ZNF385B: variants seen among roughly 807,000 people sequenced by gnomAD.
The protein encoded by ZNF385B is zinc finger protein 385B, also known as zinc finger protein 533.
A neutral mutation model predicts 39.2 loss-of-function variants in ZNF385B; 23 were observed. The observed-to-expected ratio is 0.59, with a 90% CI of 0.42 to 0.83. ZNF385B has a LOEUF of 0.83. Among genes scored for constraint, ZNF385B ranks in the 40% least tolerant of loss-of-function variants. ZNF385B has a pLI of 0.00. For missense variants in ZNF385B, 552 were observed against 598.9 expected, an observed-to-expected ratio of 0.92 and a Z score of 0.82; for synonymous variants, 205 against 222.6, an observed-to-expected ratio of 0.92 and a Z score of 0.70.
chr2:179,616,415 C>A (rs1689742369), intron 3 of ZNF385B, among the ~76,000 whole-genome samples: 1 of 152,172 alleles, frequency 6.6e-6, no homozygotes, highest in Admixed American at 6.5e-5. Context: ...CTCACTGCAA[C>A]CTCCACCTCC....
intron 6 of ZNF385B, among the ~76,000 whole-genome samples, chr2:179,462,928 T>C (rs950624154): frequency 6.6e-6 from 1 of 152,112 alleles, no homozygotes; most frequent in African/African-American, 2.4e-5. Context: ...TTTGTGAAAA[T>C]AGAGCTTTCT....
rs1685059217 is a variant in ZNF385B, at chr2:179,861,400, G to A, written c.-454C>T. The A allele has an allele frequency of 6.6e-6, 1 of 150,376 alleles. No homozygotes were observed. Among genetic ancestry groups the A allele is most frequent in the Non-Finnish European group, 1.5e-5 (1 of 67,450 alleles). The allele number at this position is 150,376 out of a possible 1,614,324, so 9.3% of individuals were successfully genotyped here. A position where few individuals can be genotyped will look rare whatever the true frequency, so the allele number is the denominator to read the frequency against. The stretch of plus-strand genomic sequence containing the variant: ...GCGCCTGCGCACCGGGCCTCGCCCA[G>A]GTGAGGGGCGTGTGCCCGGAGCCCG... On this transcript the variant is annotated 5_prime_UTR_variant, in exon 1 of 10. Coordinates refer to ENST00000410066, the MANE Select transcript of ZNF385B (RefSeq NM_152520.6).
At chr2:179,838,965 G>T (rs376178273) in intron 1 of ZNF385B, among the ~76,000 whole-genome samples, 1 of 151,342 alleles carries the variant, frequency 6.6e-6, no homozygotes. Flanking sequence ...GCAAAAGTGT[G>T]GTCCTTTTAG....
At chr2:179,571,419 A>C (rs1002447464) in intron 3 of ZNF385B, among the ~76,000 whole-genome samples, 1 of 152,192 alleles carries the variant, frequency 6.6e-6, no homozygotes, top group Non-Finnish European at 1.5e-5. Context: ...CTTTCACTAC[A>C]AGCCCGAAGG....
chr2:179,676,377 C>T (rs1367372352), intron 3 of ZNF385B, among the ~76,000 whole-genome samples: 2 of 149,248 alleles, frequency 1.3e-5, no homozygotes, highest in Non-Finnish European at 3.0e-5. Context: ...CGTGAGCCAC[C>T]ACGCCCAGCC....
intron 7 of ZNF385B, 89 bp from the exon 8 acceptor site, chr2:179,445,817 G>T: frequency 2.4e-6 from 3 of 1,241,592 alleles, no homozygotes; most frequent in Non-Finnish European, 3.2e-6. Context: ...TTACCTGCAG[G>T]CTAAAATTCC....
chr2:179,808,227 T>A (rs1575529450), intron 1 of ZNF385B, among the ~76,000 whole-genome samples: 1 of 152,014 alleles, frequency 6.6e-6, no homozygotes, highest in South Asian at 2.1e-4. Context: ...AGAGACGGGG[T>A]TTCACCGTGT....
chr2:179,825,087 T>C (rs764713517), intron 1 of ZNF385B, among the ~76,000 whole-genome samples: 1 of 152,206 alleles, frequency 6.6e-6, no homozygotes, highest in Non-Finnish European at 1.5e-5. Flanking sequence ...CTTTAGGGAT[T>C]TGGATTAAAA....
intron 4 of ZNF385B, among the ~76,000 whole-genome samples, chr2:179,524,677 A>AC (rs746180848): frequency 1.3e-5 from 2 of 151,868 alleles, no homozygotes; most frequent in Non-Finnish European, 2.9e-5. Context: ...TGAGTAAAAC[A>AC]CAAAAAAGGG....
At chr2:179,479,175 T>C (rs1382402356) in intron 6 of ZNF385B, among the ~76,000 whole-genome samples, 1 of 152,230 alleles carries the variant, frequency 6.6e-6, no homozygotes, top group Admixed American at 6.5e-5. Flanking sequence ...TGGACAGCTA[T>C]TTTGCATAAC....
At chr2:179,493,912 G>A (rs12477315) in intron 5 of ZNF385B, among the ~76,000 whole-genome samples, 125,204 of 149,924 alleles carry the variant, frequency 0.84, 52,549 homozygotes, top group South Asian at 0.93. Context: ...AATACATATT[G>A]TATTCTAGGC....
chr2:179,637,334 A>G (rs1691855097), intron 3 of ZNF385B: 1 of 152,146 alleles, frequency 6.6e-6, no homozygotes, highest in African/African-American at 2.4e-5. Flanking sequence ...GGGATTTTAT[A>G]GGGGGAGTTT....
chr2:179,770,806 T>C (rs1444668269), intron 1 of ZNF385B, 134 bp from the exon 2 acceptor site: 1 of 152,212 alleles, frequency 6.6e-6, no homozygotes, highest in Non-Finnish European at 1.5e-5. Flanking sequence ...CAGACGTAGA[T>C]TATAAACTAA....
intron 3 of ZNF385B, among the ~76,000 whole-genome samples, chr2:179,620,566 T>C (rs1316231546): frequency 1.3e-5 from 2 of 152,094 alleles, no homozygotes; most frequent in Non-Finnish European, 2.9e-5. Flanking sequence ...CTAGTATCAG[T>C]TCCATGTATT....
intron 3 of ZNF385B, among the ~76,000 whole-genome samples, chr2:179,728,210 AAT>A (rs1701146032): frequency 6.6e-6 from 1 of 152,146 alleles, no homozygotes; most frequent in Non-Finnish European, 1.5e-5. Flanking sequence ...TAGAACAGCT[AAT>A]TCTGGAGAAA....
intron 3 of ZNF385B, among the ~76,000 whole-genome samples, chr2:179,710,846 C>A (rs1428425630): frequency 6.6e-6 from 1 of 152,202 alleles, no homozygotes; most frequent in Non-Finnish European, 1.5e-5. Context: ...CCATCACAGG[C>A]CTGCTCCAAG....
At chr2:179,859,305 T>C (rs1051002474) in intron 1 of ZNF385B, among the ~76,000 whole-genome samples, 1 of 152,214 alleles carries the variant, frequency 6.6e-6, no homozygotes, top group African/African-American at 2.4e-5. Flanking sequence ...AATTCATTGT[T>C]TTCTTTTTGC....
At chr2:179,592,437 T>A (rs1687645198) in intron 3 of ZNF385B, among the ~76,000 whole-genome samples, 1 of 152,206 alleles carries the variant, frequency 6.6e-6, no homozygotes, top group African/African-American at 2.4e-5. Context: ...CGTAGAAGGC[T>A]TTCCTTTGGT....
chr2:179,760,215 C>T (rs1258658115), intron 3 of ZNF385B, among the ~76,000 whole-genome samples: 1 of 113,492 alleles, frequency 8.8e-6, no homozygotes, highest in Non-Finnish European at 1.9e-5. Flanking sequence ...TACCTGGATT[C>T]CTGTGTGCGT....
Sources: gnomAD v4.1 joint callset for allele counts (sites outside exome capture counted in the v4.1 genomes callset) on GRCh38, gnomAD v4.1.1 for gene constraint, MANE v1.5 for transcripts, NCBI Gene and HGNC (gene_info 2026-07-23, HGNC 2026-07-21) for gene names.